The following TRPM1 variants were observed in gnomAD, a reference collection of about 807,000 sequenced individuals.
TRPM1 encodes the protein TRPM1-203 APA Isoform, Intron 10.
Under a neutral mutation model 149.4 loss-of-function variants are expected in TRPM1, and 113 were observed. The observed-to-expected ratio is 0.76, with a 90% CI of 0.65 to 0.88. The LOEUF (loss-of-function observed/expected upper bound fraction) is 0.88. Among genes scored for constraint, TRPM1 ranks in the 40% least tolerant of loss-of-function variants. TRPM1 has a pLI of 0.00. For synonymous variants in TRPM1, 741 were observed against 759.5 expected, an observed-to-expected ratio of 0.98 and a Z score of 0.40; for missense variants, 1,976 against 2,038.7, an observed-to-expected ratio of 0.97 and a Z score of 0.59.
At chr15:31,087,785 G>C (rs2035043647) in intron 1 of TRPM1, among the ~76,000 whole-genome samples, 1 of 152,170 alleles carries the variant, frequency 6.6e-6, no homozygotes, top group African/African-American at 2.4e-5. Flanking sequence ...ATTGCTGTGT[G>C]ATGTGCGGTA....
At chr15:31,097,681 T>C (rs185092296) in intron 1 of TRPM1, among the ~76,000 whole-genome samples, 2 of 152,036 alleles carry the variant, frequency 1.3e-5, no homozygotes, top group Non-Finnish European at 2.9e-5. Context: ...GTCTCCATTA[T>C]GAATTGAAAA....
chr15:31,066,749 G>A (rs1164507909), intron 6 of TRPM1, among the ~76,000 whole-genome samples: 3 of 152,158 alleles, frequency 2.0e-5, no homozygotes, highest in Non-Finnish European at 2.9e-5. Flanking sequence ...CTTGAAATGC[G>A]GGGTGGTGCA....
At chr15:31,149,773 C>T (rs1199694208) in intron 1 of TRPM1, among the ~76,000 whole-genome samples, 2 of 152,180 alleles carry the variant, frequency 1.3e-5, no homozygotes, top group Non-Finnish European at 2.9e-5. Flanking sequence ...CCCGCCTTGG[C>T]CTCCCAAAGT....
intron 1 of TRPM1, among the ~76,000 whole-genome samples, chr15:31,097,382 T>C (rs1158369850): frequency 6.6e-6 from 1 of 152,090 alleles, no homozygotes; most frequent in Admixed American, 6.5e-5. Flanking sequence ...CCAAGGCAAA[T>C]TGGTGGCCGG....
chr15:31,096,128 A>C lies in TRPM1; in HGVS notation c.-84+5529T>G, dbSNP rs549385196. 8.6e-5 allele frequency among the ~76,000 whole-genome samples: 13 copies of C among 151,694 alleles called. No homozygotes were observed. In the South Asian group the frequency reaches 2.7e-3, roughly 32 times the overall value. ...GGAAAGAAAAAGAAGAAACGAAGGG[A>C]AGGGAAGAAGGAAGGAAGGGAGGGA... On this transcript the variant is annotated intron_variant, in intron 1 of 27. Coordinates refer to ENST00000256552, the MANE Select transcript of TRPM1 (RefSeq NM_001252024.2).
At chr15:31,048,012 C>T in intron 13 of TRPM1, 73 bp from the exon 14 acceptor site, 2 of 1,362,700 alleles carry the variant, frequency 1.5e-6, no homozygotes, top group Admixed American at 1.7e-5. Context: ...CCTGTAGTCC[C>T]AGCACTTTGG....
chr15:31,104,796 GTGTTGGCCAGGA>G (rs1200905765), upstream of TRPM1, among the ~76,000 whole-genome samples: 1 of 151,834 alleles, frequency 6.6e-6, no homozygotes, highest in Non-Finnish European at 1.5e-5. Flanking sequence ...GGGTTTCACC[GTGTTGGCCAGGA>G]TGGTCTCAAT....
At chr15:31,123,335 C>T (rs554729100) in intron 1 of TRPM1, among the ~76,000 whole-genome samples, 13 of 152,240 alleles carry the variant, frequency 8.5e-5, no homozygotes, top group African/African-American at 3.1e-4. Flanking sequence ...AATTGATAAA[C>T]TTTACTAAAA....
intron 27 of TRPM1, among the ~76,000 whole-genome samples, chr15:31,016,886 A>G (rs1292368609): frequency 2.0e-5 from 3 of 151,684 alleles, no homozygotes; most frequent in Non-Finnish European, 4.4e-5. Flanking sequence ...TCATCTTTTG[A>G]CTCACAGATT....
intron 1 of TRPM1, among the ~76,000 whole-genome samples, chr15:31,111,324 G>A (rs1333902809): frequency 6.6e-6 from 1 of 152,218 alleles, no homozygotes; most frequent in African/African-American, 2.4e-5. Context: ...GAGTCTGAGT[G>A]TAACGTTCTG....
chr15:31,125,538 G>A lies in TRPM1; in HGVS notation c.54+35368C>T, dbSNP rs943158418. Among the ~76,000 whole-genome samples the A allele has an allele frequency of 2.6e-4, 39 of 150,370 alleles. 1 individual carries two copies. Among genetic ancestry groups the A allele is most frequent in the Non-Finnish European group, 1.5e-5 (1 of 67,634 alleles). On this transcript the variant is annotated intron_variant, in intron 1 of 26. Coordinates refer to the TRPM1 transcript ENST00000542188. ...GAGGTCAGGAGATCGAGACCATCCC[G>A]GCTAAAACGGTGAAACCTCGTCTCT...
chr15:31,050,596 C>T lies in TRPM1; in HGVS notation c.1264-14G>A. The T allele has an allele frequency of 6.2e-7, 1 of 1,614,052 alleles. No individual in the cohort carries two copies. The highest frequency in any genetic ancestry group is 8.5e-7 in the Non-Finnish European group (1 of 1,180,010). ...GCTTCCCAGGGGCTGCAGTCCACAG[C>T]AATCAGAGTTGGGAAATGGTACTAA... On this transcript the variant is annotated splice_polypyrimidine_tract_variant and intron_variant, in intron 11 of 27. Coordinates refer to ENST00000256552, the MANE Select transcript of TRPM1 (RefSeq NM_001252024.2).
At chr15:31,143,828 C>T (rs561972565) in intron 1 of TRPM1, among the ~76,000 whole-genome samples, 3 of 152,002 alleles carry the variant, frequency 2.0e-5, no homozygotes, top group Admixed American at 2.0e-4. Context: ...GTTTGCTTTT[C>T]CTTCTTACCT....
intron 1 of TRPM1, among the ~76,000 whole-genome samples, chr15:31,121,649 A>T (rs1407160256): frequency 6.6e-6 from 1 of 152,248 alleles, no homozygotes; most frequent in Non-Finnish European, 1.5e-5. Context: ...TGAATAGGCA[A>T]TATCTATTAA....
intron 1 of TRPM1, among the ~76,000 whole-genome samples, chr15:31,131,439 AG>A (rs2036014713): frequency 6.6e-6 from 1 of 152,220 alleles, no homozygotes; most frequent in Non-Finnish European, 1.5e-5. Flanking sequence ...ATTATGAAGA[AG>A]GAAAAAAAAA....
At chr15:31,052,302 C>T (rs2033966580) in intron 11 of TRPM1, among the ~76,000 whole-genome samples, 1 of 152,132 alleles carries the variant, frequency 6.6e-6, no homozygotes, top group Non-Finnish European at 1.5e-5. Flanking sequence ...TTGGCTGACT[C>T]CTCATGCAGA....
intron 2 of TRPM1, among the ~76,000 whole-genome samples, chr15:31,078,890 T>C (rs992668023): frequency 1.3e-5 from 2 of 152,212 alleles, no homozygotes; most frequent in African/African-American, 4.8e-5. Context: ...TGAACTCCCA[T>C]GAGTAGGTTA....
At position 31,007,652 on chromosome 15, in the gene TRPM1, GCAACAACAACAA is replaced by G. The variant is rs55739225; in HGVS notation, c.3630-4594_3630-4583del. ...CTTCGTCTATAACAACAGCAGCGCAGCAACAACAACAACAACAACAACAACAACAACAACAAC... is the reference window on the plus strand; with the variant it reads ...CTTCGTCTATAACAACAGCAGCGCAGCAACAACAACAACAACAACAACAAC... On this transcript the variant is annotated intron_variant, in intron 27 of 27. Coordinates refer to ENST00000256552, the MANE Select transcript of TRPM1 (RefSeq NM_001252024.2). Among the ~76,000 whole-genome samples the G allele has an allele frequency of 8.0e-3, 1,123 of 139,908 alleles. 18 individuals are homozygous for G. Among genetic ancestry groups the G allele is most frequent in the African/African-American group, 0.03 (1,056 of 34,870 alleles). 91.8% of individuals were successfully genotyped at this position (139,908 alleles called of 152,430 possible).
intron 1 of TRPM1, among the ~76,000 whole-genome samples, chr15:31,085,366 A>G (rs941855277): frequency 3.3e-5 from 5 of 152,230 alleles, no homozygotes; most frequent in African/African-American, 9.6e-5. Context: ...TTAAGCTGCA[A>G]TTGCAAATAA....
Sources: gnomAD v4.1 joint callset for allele counts (sites outside exome capture counted in the v4.1 genomes callset) on GRCh38, gnomAD v4.1.1 for gene constraint, MANE v1.5 for transcripts, NCBI Gene and HGNC (gene_info 2026-07-23, HGNC 2026-07-21) for gene names.